CACNA2D3: variants seen among roughly 807,000 people sequenced by gnomAD.
CACNA2D3 encodes the protein calcium voltage-gated channel auxiliary subunit alpha2delta 3.
Under a neutral mutation model 160.6 loss-of-function variants are expected in CACNA2D3, and 60 were observed. That is an observed-to-expected ratio of 0.37 (90% confidence interval 0.30 to 0.46). The LOEUF (loss-of-function observed/expected upper bound fraction) is 0.46, where lower values mean the gene tolerates loss of function less well. Ranked by LOEUF, CACNA2D3 falls within the 20% of genes least tolerant of loss-of-function variation. CACNA2D3 has a pLI of 1.00. For missense variants in CACNA2D3, 1,205 were observed against 1,365.0 expected, an observed-to-expected ratio of 0.88 and a Z score of 1.85; for synonymous variants, 558 against 492.9, an observed-to-expected ratio of 1.13 and a Z score of -1.75.
intron 31 of CACNA2D3, among the ~76,000 whole-genome samples, chr3:54,992,208 T>C (rs1180554277): frequency 6.6e-6 from 1 of 152,188 alleles, no homozygotes; most frequent in South Asian, 2.1e-4. Context: ...GCAGCCAGCA[T>C]CAAGACACGA....
chr3:54,312,060 G>T (rs1206800278), intron 2 of CACNA2D3, among the ~76,000 whole-genome samples: 1 of 152,212 alleles, frequency 6.6e-6, no homozygotes, highest in East Asian at 1.9e-4. Context: ...TACTATCCCA[G>T]TGTCAGGGTT....
intron 10 of CACNA2D3, among the ~76,000 whole-genome samples, chr3:54,637,310 G>A (rs553361489): frequency 1.4e-3 from 214 of 151,928 alleles, no homozygotes; most frequent in Non-Finnish European, 2.5e-3. Context: ...CAAGGAGGGA[G>A]TAGACGTATC....
intron 27 of CACNA2D3, among the ~76,000 whole-genome samples, chr3:54,914,657 A>AT (rs2106914824): frequency 6.6e-6 from 1 of 152,338 alleles, no homozygotes; most frequent in African/African-American, 2.4e-5. Context: ...GCTTCTCTGA[A>AT]TGGGGTAGGG....
At chr3:54,315,257 C>G (rs1457752093) in intron 2 of CACNA2D3, among the ~76,000 whole-genome samples, 1 of 152,196 alleles carries the variant, frequency 6.6e-6, no homozygotes, top group Admixed American at 6.5e-5. Flanking sequence ...TTGTTGTTGA[C>G]AGCTGTGTCT....
At chr3:54,241,881 CAT>C (rs1701980289) in intron 2 of CACNA2D3, among the ~76,000 whole-genome samples, 1 of 152,086 alleles carries the variant, frequency 6.6e-6, no homozygotes, top group African/African-American at 2.4e-5. Flanking sequence ...TCAGTTTTTC[CAT>C]CTAAAATATG....
Position 54,928,382 on chromosome 3 carries a change from A to G in CACNA2D3, c.2449+28514A>G, listed in dbSNP as rs1343933413. 2.0e-5 allele frequency among the ~76,000 whole-genome samples: 3 copies of G among 152,124 alleles called. No individual in the cohort carries two copies. In the East Asian group the frequency reaches 5.8e-4, roughly 29 times the overall value. On this transcript the variant is annotated intron_variant, in intron 27 of 37. Coordinates refer to ENST00000474759, the MANE Select transcript of CACNA2D3 (RefSeq NM_018398.3). ...TGTGGCTTCTGAATTCTGTTGACTT[A>G]TTAACCATGCCGGGTCACCCCTCTT...
intron 17 of CACNA2D3, among the ~76,000 whole-genome samples, chr3:54,847,746 G>T (rs894199883): frequency 6.6e-6 from 1 of 152,166 alleles, no homozygotes; most frequent in Non-Finnish European, 1.5e-5. Context: ...TTGAAAAAGC[G>T]GCTGTCTTTT....
At chr3:54,765,953 C>CAAGGA (rs1386723182) in intron 13 of CACNA2D3, among the ~76,000 whole-genome samples, 1 of 151,992 alleles carries the variant, frequency 6.6e-6, no homozygotes, top group Admixed American at 6.6e-5. Context: ...ACATCATACC[C>CAAGGA]AAGGAAGAAA....
At chr3:54,248,481 CAAAAAA>C (rs577393882) in intron 2 of CACNA2D3, among the ~76,000 whole-genome samples, 80 of 44,424 alleles carry the variant, frequency 1.8e-3, no homozygotes, top group African/African-American at 5.3e-3. Context: ...AACTCCATCT[CAAAAAA>C]AAAAAAAAAA....
At chr3:54,401,568 G>A (rs145755249) in intron 4 of CACNA2D3, among the ~76,000 whole-genome samples, 4 of 152,132 alleles carry the variant, frequency 2.6e-5, no homozygotes, top group Admixed American at 1.3e-4. Flanking sequence ...TAAGAGAAAC[G>A]TTGCAAGCCA....
intron 13 of CACNA2D3, among the ~76,000 whole-genome samples, chr3:54,771,294 C>G (rs1240212240): frequency 1.3e-5 from 2 of 152,172 alleles, no homozygotes; most frequent in African/African-American, 4.8e-5. Context: ...TGCCCTTTAA[C>G]AAATCAGCAC....
chr3:54,825,281 G>A (rs1921538), intron 14 of CACNA2D3, among the ~76,000 whole-genome samples: 1 of 152,208 alleles, frequency 6.6e-6, no homozygotes, highest in African/African-American at 2.4e-5. Context: ...CAGAAGGGAA[G>A]GTAGAGGATC....
chr3:54,344,976 T>G (rs953792762), intron 3 of CACNA2D3, among the ~76,000 whole-genome samples: 2 of 152,068 alleles, frequency 1.3e-5, no homozygotes, highest in Non-Finnish European at 2.9e-5. Flanking sequence ...TCACTGCTGC[T>G]CTCCCACCAT....
chr3:54,786,870 T>C (rs1049592187), intron 13 of CACNA2D3, among the ~76,000 whole-genome samples: 2 of 152,222 alleles, frequency 1.3e-5, no homozygotes, highest in Non-Finnish European at 2.9e-5. Context: ...ACATGCCCAA[T>C]ACTCCTATAA....
rs369065549 is a variant in CACNA2D3 at position 54,807,267 on chromosome 3, G to A, written c.1381-9586G>A. On this transcript the variant is annotated intron_variant, in intron 13 of 37. Coordinates refer to ENST00000474759, the MANE Select transcript of CACNA2D3 (RefSeq NM_018398.3). ...GAAACTACCATCAGAGTGAACAGGC[G>A]ACCTACAAAATGGGAGAAAATTTTC... 3.5e-4 allele frequency among the ~76,000 whole-genome samples: 53 copies of A among 152,132 alleles called. 1 individual carries two copies. Among genetic ancestry groups the A allele is most frequent in the Non-Finnish European group, 4.3e-4 (29 of 67,990 alleles).
chr3:54,994,839 C>T (rs1702820952), intron 31 of CACNA2D3, among the ~76,000 whole-genome samples: 1 of 152,232 alleles, frequency 6.6e-6, no homozygotes, highest in Non-Finnish European at 1.5e-5. Context: ...GATTCCAGAG[C>T]ATGTTCTCCT....
At chr3:54,386,297 C>T (rs1428685163) in intron 3 of CACNA2D3, among the ~76,000 whole-genome samples, 3 of 152,090 alleles carry the variant, frequency 2.0e-5, no homozygotes, top group Admixed American at 2.0e-4. Flanking sequence ...GTACTCTTTT[C>T]CAAAATATTG....
chr3:54,343,235 T>C (rs1205337409), intron 3 of CACNA2D3, among the ~76,000 whole-genome samples: 1 of 151,814 alleles, frequency 6.6e-6, no homozygotes, highest in Non-Finnish European at 1.5e-5. Context: ...TCCTGGGCCC[T>C]ACCCTGGAGA....
intron 11 of CACNA2D3, among the ~76,000 whole-genome samples, chr3:54,699,615 T>C (rs1700729288): frequency 6.6e-6 from 1 of 152,166 alleles, no homozygotes; most frequent in Non-Finnish European, 1.5e-5. Context: ...ACCCCATTTA[T>C]TGTTCTATTT....
Sources: gnomAD v4.1 joint callset for allele counts (sites outside exome capture counted in the v4.1 genomes callset) on GRCh38, gnomAD v4.1.1 for gene constraint, MANE v1.5 for transcripts, NCBI Gene and HGNC (gene_info 2026-07-23, HGNC 2026-07-21) for gene names.